DSCAM: variants seen among roughly 807,000 people sequenced by gnomAD.
The protein encoded by DSCAM is cell adhesion molecule DSCAM.
DSCAM carries 47 observed loss-of-function variants against 217.7 expected under a neutral mutation model. The ratio of observed to expected loss-of-function variants is 0.22; its 90% CI spans 0.17 to 0.28. The LOEUF (loss-of-function observed/expected upper bound fraction) is 0.28, where lower values mean the gene tolerates loss of function less well. Among genes scored for constraint, DSCAM ranks in the 10% least tolerant of loss-of-function variants. The pLI, the probability that DSCAM is intolerant of heterozygous loss-of-function variation, is 1.00. For missense variants in DSCAM, 2,080 were observed against 2,618.3 expected (o/e 0.79, Z 4.49); for synonymous variants, 1,056 against 1,015.3 (o/e 1.04, Z -0.76).
rs565061850 is a variant in DSCAM, at chr21:40,617,978, A to G, written c.508+74832T>C. Among the ~76,000 whole-genome samples the G allele has an allele frequency of 1.1e-4, 17 of 152,350 alleles. No individual in the cohort carries two copies. The East Asian group carries it at 1.7e-3, about 16-fold the overall frequency. ...TGCAACACACTTGGGGCTTTTGTCA[A>G]TATGGCTGCCTGGGTGAAGGTGAAG... On this transcript the variant is annotated intron_variant, in intron 3 of 32. Transcript: ENST00000400454.
intron 1 of DSCAM, among the ~76,000 whole-genome samples, chr21:40,789,957 A>C (rs902461613): frequency 6.6e-6 from 1 of 152,138 alleles, no homozygotes; most frequent in Non-Finnish European, 1.5e-5. Context: ...GACCACACAA[A>C]GTCTATATGG....
At chr21:40,085,563 G>A in intron 23 of DSCAM, 39 bp downstream of exon 23, 1 of 1,443,472 alleles carries the variant, frequency 6.9e-7, no homozygotes, top group Non-Finnish European at 9.3e-7. Context: ...AAGCATACAT[G>A]TAAAAGATAT....
At chr21:40,842,645 G>A (rs541938908) in intron 1 of DSCAM, among the ~76,000 whole-genome samples, 6 of 152,098 alleles carry the variant, frequency 3.9e-5, no homozygotes, top group Non-Finnish European at 5.9e-5. Flanking sequence ...GAAATACTCC[G>A]TGCACCTTAC....
At chr21:40,145,157 C>A (rs909816003) in intron 16 of DSCAM, among the ~76,000 whole-genome samples, 1 of 152,218 alleles carries the variant, frequency 6.6e-6, no homozygotes, top group Non-Finnish European at 1.5e-5. Flanking sequence ...CCGGGTGAGA[C>A]TGACCCTCAG....
rs370718510 is a variant in DSCAM, at chr21:40,467,240, T to C, written c.509-97995A>G. On this transcript the variant is annotated intron_variant, in intron 3 of 32. Transcript: ENST00000400454. ...TTTTTAGAAACAATTTTATTTGCCT[T>C]TGCCTCTTAATTCCAGCACATTAAC... 2.1e-3 allele frequency among the ~76,000 whole-genome samples: 323 copies of C among 152,352 alleles called. 3 individuals are homozygous for C. The highest frequency in any genetic ancestry group is 6.9e-3 in the African/African-American group (287 of 41,582).
intron 3 of DSCAM, among the ~76,000 whole-genome samples, chr21:40,535,603 A>G (rs2076489558): frequency 6.6e-6 from 1 of 152,248 alleles, no homozygotes; most frequent in Non-Finnish European, 1.5e-5. Context: ...CTTAATGTAC[A>G]TTATTAGTTG....
chr21:40,502,802 T>C (rs930654413), intron 3 of DSCAM, among the ~76,000 whole-genome samples: 11 of 152,114 alleles, frequency 7.2e-5, no homozygotes, highest in Admixed American at 1.3e-4. Flanking sequence ...ACATAACATA[T>C]TCACAGGTCT....
At chr21:40,181,379 G>A (rs966163099) in intron 14 of DSCAM, among the ~76,000 whole-genome samples, 4 of 152,104 alleles carry the variant, frequency 2.6e-5, no homozygotes, top group Non-Finnish European at 1.5e-5. Flanking sequence ...AGAGTCTCTG[G>A]GGAATGGTGC....
At position 40,266,665 on chromosome 21, in the gene DSCAM, ATATAT is replaced by A. The variant is rs1569032008; in HGVS notation, c.2356+9427_2356+9431del. 7.6e-5 allele frequency among the ~76,000 whole-genome samples: 10 copies of A among 132,106 alleles called. No individual in the cohort carries two copies. The East Asian group carries it at 1.0e-3, about 14-fold the overall frequency. 86.7% of individuals were successfully genotyped at this position (132,106 alleles called of 152,430 possible). On this transcript the variant is annotated intron_variant, in intron 11 of 32. Transcript: ENST00000400454. ...TATATATATATATATATATATATAT[ATATAT>A]AATCTTGAAATTTTATATATATAAA... is the stretch of plus-strand genomic sequence containing the variant.
chr21:40,490,201 C>T lies in DSCAM; in HGVS notation c.509-120956G>A, dbSNP rs113304417. Among the ~76,000 whole-genome samples, 245 of 152,266 alleles carry T rather than the reference C, an allele frequency of 1.6e-3. 1 individual carries two copies. The highest frequency in any genetic ancestry group is 5.8e-3 in the African/African-American group (239 of 41,550). ...AAGACCCACCCCCATGATTCAATTA[C>T]CTCCTGCCGGGCCCCTCCCATGACA... On this transcript the variant is annotated intron_variant, in intron 3 of 32. Coordinates refer to ENST00000400454, the MANE Select transcript of DSCAM (RefSeq NM_001389.5).
intron 27 of DSCAM, among the ~76,000 whole-genome samples, chr21:40,074,058 G>A (rs2089331251): frequency 6.6e-6 from 1 of 152,188 alleles, no homozygotes; most frequent in Non-Finnish European, 1.5e-5. Flanking sequence ...AGTGAAGACA[G>A]GTGAAAATAT....
At chr21:40,198,830 C>T (rs1202445984) in intron 11 of DSCAM, among the ~76,000 whole-genome samples, 1 of 152,206 alleles carries the variant, frequency 6.6e-6, no homozygotes, top group Non-Finnish European at 1.5e-5. Context: ...ACTTCACTTG[C>T]AAAACACAAT....
intron 1 of DSCAM, among the ~76,000 whole-genome samples, chr21:40,756,219 C>T (rs967053603): frequency 6.6e-6 from 1 of 152,124 alleles, no homozygotes; most frequent in African/African-American, 2.4e-5. Flanking sequence ...GCACCTCCCC[C>T]CTCTCTTCCT....
chr21:40,204,166 T>G (rs1778796596), intron 11 of DSCAM, among the ~76,000 whole-genome samples: 1 of 152,246 alleles, frequency 6.6e-6, no homozygotes, highest in African/African-American at 2.4e-5. Context: ...AGATTGCTGC[T>G]ACAGATTAAT....
intron 3 of DSCAM, among the ~76,000 whole-genome samples, chr21:40,618,274 G>C (rs1601793024): frequency 6.6e-6 from 1 of 152,332 alleles, no homozygotes; most frequent in South Asian, 2.1e-4. Flanking sequence ...ATTTTAAAAT[G>C]TTACTGGGTA....
At position 40,781,992 on chromosome 21, in the gene DSCAM, CA is replaced by C. The variant is rs57750960; in HGVS notation, c.43+64626del. 4.7e-3 allele frequency among the ~76,000 whole-genome samples: 505 copies of C among 106,370 alleles called. 6 individuals are homozygous for C. The highest frequency in any genetic ancestry group is 0.017 in the African/African-American group (456 of 26,686). The allele number at this position is 106,370 out of a possible 152,430, so 69.8% of individuals were successfully genotyped here. A position where few individuals can be genotyped will look rare whatever the true frequency, so the allele number is the denominator to read the frequency against. ...TGAAACCCCATCTCTACTAAAAATA[CA>C]AAAAAAAAAAAAAAAAAGAAAAAAA... is the stretch of plus-strand genomic sequence containing the variant. On this transcript the variant is annotated intron_variant, in intron 1 of 32. Coordinates refer to ENST00000400454, the MANE Select transcript of DSCAM (RefSeq NM_001389.5).
intron 3 of DSCAM, among the ~76,000 whole-genome samples, chr21:40,484,650 C>T (rs1213355223): frequency 6.6e-6 from 1 of 152,102 alleles, no homozygotes; most frequent in Non-Finnish European, 1.5e-5. Flanking sequence ...CTGGTTCCTG[C>T]CACTGCGTCA....
chr21:40,520,133 G>A (rs1440295218), intron 3 of DSCAM, among the ~76,000 whole-genome samples: 1 of 151,956 alleles, frequency 6.6e-6, no homozygotes, highest in Admixed American at 6.6e-5. Flanking sequence ...AATTATATGT[G>A]AAGTAGATTA....
chr21:40,308,893 G>A (rs2074108560), intron 9 of DSCAM, among the ~76,000 whole-genome samples: 1 of 151,964 alleles, frequency 6.6e-6, no homozygotes, highest in African/African-American at 2.4e-5. Context: ...CATTTCTGTT[G>A]GTGCTACCTA....
Sources: allele counts gnomAD v4.1 joint callset (sites outside exome capture counted in the v4.1 genomes callset), GRCh38; gene constraint gnomAD v4.1.1; transcripts MANE v1.5; gene names NCBI Gene and HGNC (gene_info 2026-07-23, HGNC 2026-07-21).